ANXA8: variants seen among roughly 807,000 people sequenced by gnomAD.
The protein encoded by ANXA8 is annexin A8.
Under a neutral mutation model 26.8 loss-of-function variants are expected in ANXA8, and 9 were observed. That is an observed-to-expected ratio of 0.34 (90% CI 0.20 to 0.59). The LOEUF (loss-of-function observed/expected upper bound fraction) is 0.59, where lower values mean the gene tolerates loss of function less well. ANXA8 is among the 20% of genes least tolerant of loss of function. The pLI is 0.84. For missense variants in ANXA8, 83 were observed against 238.5 expected, an observed-to-expected ratio of 0.35 and a Z score of 4.29; for synonymous variants, 39 against 94.8, an observed-to-expected ratio of 0.41 and a Z score of 3.42.
upstream of ANXA8, among the ~76,000 whole-genome samples, chr10:47,485,128 G>A (rs1350582796): frequency 3.9e-5 from 6 of 151,922 alleles, no homozygotes; most frequent in African/African-American, 1.5e-4. Context: ...TACACTGGAA[G>A]TAACAGATGT....
chr10:47,474,294 C>A lies in ANXA8; in HGVS notation c.646+11G>T. ...CTGTGGCCCCGGCCCCAGCCCCTCC[C>A]TCCCTGGTACCTCTCAGCAGGTGAG... On this transcript the variant is annotated intron_variant, in intron 8 of 11. Coordinates refer to ENST00000585281, the MANE Select transcript of ANXA8 (RefSeq NM_001040084.3). The A allele has an allele frequency of 6.3e-7, 1 of 1,576,758 alleles. No individual in the cohort carries two copies. Among genetic ancestry groups the A allele is most frequent in the Non-Finnish European group, 8.6e-7 (1 of 1,166,096 alleles).
rs1839174188 is a variant in ANXA8, at chr10:47,468,347, GAT to G, written c.*498_*499del. On this transcript the variant is annotated 3_prime_UTR_variant, in exon 12 of 12. Coordinates refer to ENST00000585281, the MANE Select transcript of ANXA8 (RefSeq NM_001040084.3). ...CGTGTTCGTTTCTCAGCTGCTGAAG[GAT>G]GTGTGTTCTAAAACAAAAGGGCTCC... The G allele has an allele frequency of 5.5e-6, 1 of 181,334 alleles. No homozygotes were observed. The highest frequency in any genetic ancestry group is 5.4e-5 in the Admixed American group (1 of 18,688). The allele number at this position is 181,334 out of a possible 1,614,324, so 11.2% of individuals were successfully genotyped here.
chr10:47,985,070 G>A, the ANXA8 span, among the ~76,000 whole-genome samples: 4,955 of 145,204 alleles, frequency 0.034, 155 homozygotes, highest in East Asian at 0.17. Flanking sequence ...TGCAAACTGC[G>A]TATCTGACAA....
the ANXA8 span, among the ~76,000 whole-genome samples, chr10:47,509,024 T>C: frequency 7.4e-6 from 1 of 135,060 alleles, no homozygotes; most frequent in Non-Finnish European, 1.5e-5. Flanking sequence ...ATTTCACCAA[T>C]AGTGAATACA....
At chr10:47,988,487 G>C in the ANXA8 span, among the ~76,000 whole-genome samples, 2 of 109,230 alleles carry the variant, frequency 1.8e-5, 1 homozygote. Flanking sequence ...ACACAGATGG[G>C]CATGTGCCCG....
the ANXA8 span, among the ~76,000 whole-genome samples, chr10:47,495,773 G>A: frequency 8.0e-5 from 12 of 150,426 alleles, 1 homozygote; most frequent in African/African-American, 3.0e-4. Flanking sequence ...CCAAAAGCAG[G>A]AGACACCAGC....
At chr10:47,577,298 G>C in the ANXA8 span, among the ~76,000 whole-genome samples, 1 of 144,588 alleles carries the variant, frequency 6.9e-6, no homozygotes, top group East Asian at 2.0e-4. Context: ...AGCACTTTTG[G>C]AGACTGAAGT....
At chr10:47,769,298 C>A in the ANXA8 span, among the ~76,000 whole-genome samples, 3 of 150,822 alleles carry the variant, frequency 2.0e-5, no homozygotes, top group South Asian at 6.2e-4. Context: ...TTTCCAAATC[C>A]CCTTCCTTTC....
At chr10:47,663,312 C>A in the ANXA8 span, among the ~76,000 whole-genome samples, 1 of 148,304 alleles carries the variant, frequency 6.7e-6, no homozygotes, top group Non-Finnish European at 1.5e-5. Flanking sequence ...ATCAACTCAA[C>A]CTCTTATATT....
At chr10:47,901,766 T>C in the ANXA8 span, among the ~76,000 whole-genome samples, 4 of 146,104 alleles carry the variant, frequency 2.7e-5, no homozygotes, top group African/African-American at 1.0e-4. Flanking sequence ...TAAATTATTT[T>C]TTTCATATTA....
chr10:47,664,380 A>AAAAT, the ANXA8 span, among the ~76,000 whole-genome samples: 4 of 151,996 alleles, frequency 2.6e-5, no homozygotes, highest in Middle Eastern at 6.8e-3. Context: ...CTCCATTTCA[A>AAAAT]AAATAAATAA....
the ANXA8 span, among the ~76,000 whole-genome samples, chr10:47,715,223 G>A: frequency 4.2e-5 from 1 of 23,788 alleles, no homozygotes; most frequent in South Asian, 9.5e-4. Context: ...CGAGGTGGGC[G>A]GATCATGAGG....
the ANXA8 span, among the ~76,000 whole-genome samples, chr10:47,644,282 T>C: frequency 2.0e-5 from 3 of 149,700 alleles, no homozygotes; most frequent in Admixed American, 1.3e-4. Context: ...AAATCATTAT[T>C]TTCCTGTAAC....
At chr10:47,693,107 GT>G in the ANXA8 span, among the ~76,000 whole-genome samples, 1 of 151,670 alleles carries the variant, frequency 6.6e-6, no homozygotes, top group African/African-American at 2.4e-5. Context: ...GACACATGGT[GT>G]ATTAGAGCAG....
At chr10:47,669,047 T>C in the ANXA8 span, among the ~76,000 whole-genome samples, 24 of 151,792 alleles carry the variant, frequency 1.6e-4, no homozygotes, top group African/African-American at 5.8e-4. Context: ...ATGTGTTTTC[T>C]TAAGGCCTCT....
chr10:47,513,331 C>A, the ANXA8 span, among the ~76,000 whole-genome samples: 2 of 142,136 alleles, frequency 1.4e-5, no homozygotes, highest in African/African-American at 5.1e-5. Flanking sequence ...CCGTGCCTGG[C>A]CCGATTATCT....
chr10:47,588,026 C>T, the ANXA8 span, among the ~76,000 whole-genome samples: 4 of 143,822 alleles, frequency 2.8e-5, no homozygotes, highest in South Asian at 4.2e-4. Flanking sequence ...CTGCCTCTAT[C>T]TGGTACAAAA....
the ANXA8 span, among the ~76,000 whole-genome samples, chr10:47,953,373 G>C: frequency 6.6e-6 from 1 of 150,418 alleles, no homozygotes; most frequent in Non-Finnish European, 1.5e-5. Flanking sequence ...GAAATGTGAC[G>C]ACCCCTCACA....
chr10:47,675,902 C>T, the ANXA8 span, among the ~76,000 whole-genome samples: 1 of 151,170 alleles, frequency 6.6e-6, no homozygotes, highest in Non-Finnish European at 1.5e-5. Context: ...TCTGTAGAGT[C>T]ATGGAAATTA....
Sources: allele counts gnomAD v4.1 joint callset (sites outside exome capture counted in the v4.1 genomes callset), GRCh38; gene constraint gnomAD v4.1.1; transcripts MANE v1.5; gene names NCBI Gene and HGNC (gene_info 2026-07-23, HGNC 2026-07-21).